The following LPP variants were observed in gnomAD, a reference collection of about 807,000 sequenced individuals.
LPP encodes the protein LIM domain containing preferred translocation partner in lipoma, also known as lipoma-preferred partner.
LPP carries 38 observed loss-of-function variants against 60.4 expected under a neutral mutation model. The ratio of observed to expected loss-of-function variants is 0.63; its 90% CI spans 0.49 to 0.83. The LOEUF (loss-of-function observed/expected upper bound fraction) is 0.83, where lower values mean the gene tolerates loss of function less well. LPP is among the 40% of genes least tolerant of loss of function. The probability of loss-of-function intolerance (pLI) is 0.00; values close to 1 mark genes in which losing one functional copy is unlikely to be tolerated. For synonymous variants in LPP, 328 were observed against 290.8 expected (o/e 1.13, Z -1.30); for missense variants, 902 against 783.6 (o/e 1.15, Z -1.80).
At chr3:188,334,578 G>T (rs183204761) in intron 2 of LPP, among the ~76,000 whole-genome samples, 2 of 151,796 alleles carry the variant, frequency 1.3e-5, no homozygotes, top group East Asian at 3.9e-4. Flanking sequence ...CTACAGACGC[G>T]CGCTACCACG....
intron 6 of LPP, among the ~76,000 whole-genome samples, chr3:188,597,471 G>A (rs372271537): frequency 1.1e-4 from 17 of 152,080 alleles, no homozygotes; most frequent in East Asian, 3.9e-4. Context: ...TATGGCTTCC[G>A]AGTAGCAGTA....
chr3:188,265,915 C>T (rs959563690), intron 2 of LPP, among the ~76,000 whole-genome samples: 4 of 138,344 alleles, frequency 2.9e-5, no homozygotes, highest in African/African-American at 1.1e-4. Context: ...ATGTGTTTTG[C>T]TTTTACTTTA....
intron 7 of LPP, among the ~76,000 whole-genome samples, chr3:188,685,140 A>G (rs1860413045): frequency 6.6e-6 from 1 of 152,234 alleles, no homozygotes; most frequent in South Asian, 2.1e-4. Context: ...CATACTATCA[A>G]TTGTAGTGGT....
chr3:188,759,878 AC>A (rs1311615544), intron 8 of LPP, among the ~76,000 whole-genome samples: 1 of 152,024 alleles, frequency 6.6e-6, no homozygotes, highest in African/African-American at 2.4e-5. Context: ...AGACTATGAG[AC>A]TCAATCCCCT....
At chr3:188,414,116 A>T (rs745899846) in intron 4 of LPP, among the ~76,000 whole-genome samples, 1 of 152,150 alleles carries the variant, frequency 6.6e-6, no homozygotes, top group Non-Finnish European at 1.5e-5. Flanking sequence ...TTTTCTTGCT[A>T]TAATAAAAAT....
intron 7 of LPP, among the ~76,000 whole-genome samples, chr3:188,701,799 G>A (rs1864465147): frequency 6.7e-6 from 1 of 150,172 alleles, no homozygotes; most frequent in African/African-American, 2.5e-5. Flanking sequence ...GAAGATGTTT[G>A]CCAATACACT....
intron 4 of LPP, among the ~76,000 whole-genome samples, chr3:188,457,132 T>G (rs924639749): frequency 9.2e-5 from 14 of 152,136 alleles, no homozygotes; most frequent in Non-Finnish European, 1.6e-4. Context: ...ATCCCCAGAA[T>G]CTGGTCCTGC....
intron 9 of LPP, among the ~76,000 whole-genome samples, chr3:188,765,207 T>C (rs1317030128): frequency 6.6e-6 from 1 of 151,916 alleles, no homozygotes; most frequent in Non-Finnish European, 1.5e-5. Flanking sequence ...CCACATGAAC[T>C]TTCTTCCTTT....
intron 9 of LPP, among the ~76,000 whole-genome samples, chr3:188,792,095 A>G (rs1400819147): frequency 6.6e-6 from 1 of 152,104 alleles, no homozygotes; most frequent in Non-Finnish European, 1.5e-5. Context: ...TCCCACTGCC[A>G]TCCTCCTGGT....
At chr3:188,654,716 CCCCAATAGCTTA>C (rs1184272686) in intron 7 of LPP, among the ~76,000 whole-genome samples, 2 of 152,160 alleles carry the variant, frequency 1.3e-5, no homozygotes, top group Non-Finnish European at 2.9e-5. Flanking sequence ...TCTGCATGAC[CCCCAATAGCTTA>C]CCCAGTCTCT....
At chr3:188,355,777 G>A (rs1767427111) in intron 3 of LPP, among the ~76,000 whole-genome samples, 1 of 152,146 alleles carries the variant, frequency 6.6e-6, no homozygotes, top group Non-Finnish European at 1.5e-5. Context: ...GTGACAGTTT[G>A]TTAATCATAT....
rs144874240 is a variant in LPP at position 188,321,190 on chromosome 3, T to A, written c.-66-20473T>A. Among the ~76,000 whole-genome samples, 449 of 152,284 alleles carry A rather than the reference T, an allele frequency of 2.9e-3. 6 individuals are homozygous for A. The highest frequency in any genetic ancestry group is 0.026 in the South Asian group (124 of 4,824). ...CTTGGCTCCTTGTTTCCAACAAATG[T>A]TTTGCTCTGTTCTCATCCTGGGAGT... On this transcript the variant is annotated intron_variant, in intron 2 of 11. Coordinates refer to ENST00000617246, the MANE Select transcript of LPP (RefSeq NM_001375462.1).
chr3:188,585,218 A>G (rs1454676282), intron 6 of LPP, among the ~76,000 whole-genome samples: 1 of 152,222 alleles, frequency 6.6e-6, no homozygotes, highest in Non-Finnish European at 1.5e-5. Flanking sequence ...ACATGTTAGA[A>G]CTTATTAAGC....
chr3:188,732,641 C>G (rs1721036387), intron 8 of LPP, among the ~76,000 whole-genome samples: 1 of 147,206 alleles, frequency 6.8e-6, no homozygotes, highest in African/African-American at 2.5e-5. Flanking sequence ...TCGCTTGAAC[C>G]CGTGAGGCGG....
chr3:188,650,300 C>T (rs556278306), intron 7 of LPP, among the ~76,000 whole-genome samples: 2 of 152,280 alleles, frequency 1.3e-5, no homozygotes, highest in African/African-American at 4.8e-5. Flanking sequence ...TTATCATAAA[C>T]TCAGGCAGTC....
At position 188,604,631 on chromosome 3, in the gene LPP, G is replaced by A. The variant is rs150316525; in HGVS notation, c.430-4530G>A. ...ATTGTCAAGTCAATAAGGAAAATAA[G>A]ATAGTTCATATTTTTTCATGGTCAG... On this transcript the variant is annotated intron_variant, in intron 6 of 11. Transcript: ENST00000617246. Among the ~76,000 whole-genome samples the A allele has an allele frequency of 2.0e-3, 311 of 152,244 alleles. 1 individual carries two copies. The highest frequency in any genetic ancestry group is 0.013 in the South Asian group (63 of 4,816).
At chr3:188,237,499 A>AT (rs1369941252) in intron 2 of LPP, among the ~76,000 whole-genome samples, 21 of 152,302 alleles carry the variant, frequency 1.4e-4, no homozygotes. Flanking sequence ...TATGAAATGT[A>AT]TTTTTTTAAA....
At chr3:188,547,580 A>T (rs968066925) in intron 6 of LPP, among the ~76,000 whole-genome samples, 1 of 152,206 alleles carries the variant, frequency 6.6e-6, no homozygotes, top group Non-Finnish European at 1.5e-5. Flanking sequence ...GCACATTTGC[A>T]ATACACTGTC....
intron 2 of LPP, among the ~76,000 whole-genome samples, chr3:188,253,215 A>AC (rs748069117): frequency 2.0e-5 from 3 of 151,740 alleles, no homozygotes; most frequent in Non-Finnish European, 4.4e-5. Context: ...GACTTTGATT[A>AC]CAGTGTTTTA....
Sources: allele counts gnomAD v4.1 joint callset (sites outside exome capture counted in the v4.1 genomes callset), GRCh38; gene constraint gnomAD v4.1.1; transcripts MANE v1.5; gene names NCBI Gene and HGNC (gene_info 2026-07-23, HGNC 2026-07-21).